Variants in COL5A1 observed in about 807,000 individuals in gnomAD.
The protein encoded by COL5A1 is collagen alpha-1(V) chain.
A neutral mutation model predicts 263.7 loss-of-function variants in COL5A1; 16 were observed. The observed-to-expected ratio is 0.06, with a 90% CI of 0.04 to 0.09. The LOEUF is 0.09. Among genes scored for constraint, COL5A1 ranks in the 10% least tolerant of loss-of-function variants. The probability of loss-of-function intolerance (pLI) is 1.00; values close to 1 mark genes in which losing one functional copy is unlikely to be tolerated. For synonymous variants in COL5A1, 1,012 were observed against 1,004.5 expected (o/e 1.01, Z -0.14); for missense variants, 2,036 against 2,540.5 (o/e 0.80, Z 4.27).
At chr9:134,749,849 T>C (rs1305398914) in intron 11 of COL5A1, among the ~76,000 whole-genome samples, 1 of 152,240 alleles carries the variant, frequency 6.6e-6, no homozygotes, top group Non-Finnish European at 1.5e-5. Context: ...AAATAAATCA[T>C]CTTACTGGTT....
In COL5A1 at chr9:134,759,712, A is replaced by AC. The variant is rs200903656; in HGVS notation, c.1935+1423dup. On this transcript the variant is annotated intron_variant, in intron 18 of 65. Transcript: ENST00000371817. ...CATACACATATGCACACATGCACACACCCCCCCACCCCCACACTCATACAC... is the reference window on the plus strand; with the variant it reads ...CATACACATATGCACACATGCACACACCCCCCCCACCCCCACACTCATACAC... Among the ~76,000 whole-genome samples, 101 of 55,338 alleles carry AC rather than the reference A, an allele frequency of 1.8e-3. 3 individuals are homozygous for AC. The highest frequency in any genetic ancestry group is 6.6e-3 in the African/African-American group (70 of 10,570). The allele number at this position is 55,338 out of a possible 152,430, so 36.3% of individuals were successfully genotyped here.
intron 4 of COL5A1, among the ~76,000 whole-genome samples, chr9:134,711,936 T>C (rs539689302): frequency 2.2e-4 from 34 of 151,942 alleles, no homozygotes; most frequent in African/African-American, 7.7e-4. Flanking sequence ...TGGGCCTGTC[T>C]GTGAGTGCCT....
chr9:134,804,843 G>A (rs376457558), intron 39 of COL5A1, 132 bp from the exon 40 acceptor site: 53 of 776,122 alleles, frequency 6.8e-5, no homozygotes, highest in African/African-American at 4.1e-4. Flanking sequence ...CCTTGGCCTC[G>A]CTCTGGGACT....
rs1383776640 is a variant in COL5A1, at chr9:134,742,245, C to T, written c.1494+3437C>T. Among the ~76,000 whole-genome samples the T allele has an allele frequency of 5.3e-5, 8 of 152,126 alleles. No individual in the cohort carries two copies. The highest frequency in any genetic ancestry group is 1.4e-4 in the African/African-American group (6 of 41,432). On this transcript the variant is annotated intron_variant, in intron 11 of 65. Coordinates refer to ENST00000371817, the MANE Select transcript of COL5A1 (RefSeq NM_000093.5). This position sits in a 1 kb window ranked among gnomAD's most constrained non-coding sequence, Gnocchi z 4.6. The stretch of plus-strand genomic sequence containing the variant: ...TCTTGCTCTTGTGCCCACGGCTGCC[C>T]GCAGGGAGCAGAGTGCAAGGAGAGG...
At chr9:134,732,214 T>C (rs1834912105) in intron 9 of COL5A1, 87 bp downstream of exon 9, 2 of 1,430,786 alleles carry the variant, frequency 1.4e-6, no homozygotes, top group Non-Finnish European at 2.0e-6. Flanking sequence ...AACAGGTCCG[T>C]GGGCCCCTGC....
intron 9 of COL5A1, among the ~76,000 whole-genome samples, chr9:134,734,624 A>C (rs1367609259): frequency 6.6e-6 from 1 of 152,218 alleles, no homozygotes; most frequent in African/African-American, 2.4e-5. Flanking sequence ...TTTCCCACTC[A>C]GTCCCGCTCC....
chr9:134,798,257 T>C lies in COL5A1; in HGVS notation c.2899-151T>C, dbSNP rs1418264010. The C allele has an allele frequency of 1.3e-5, 10 of 750,872 alleles. No homozygotes were observed. The Admixed American group carries it at 2.0e-4, about 15-fold the overall frequency. The allele number at this position is 750,872 out of a possible 1,614,324, so 46.5% of individuals were successfully genotyped here. On this transcript the variant is annotated intron_variant, in intron 36 of 65. Coordinates refer to ENST00000371817, the MANE Select transcript of COL5A1 (RefSeq NM_000093.5). ...AGGACAGCTTTAGATTTGTTGTCAC[T>C]GTCCCCGTGCCTGCCAGGTGATTGC...
chr9:134,824,896 C>T, intron 62 of COL5A1, 41 bp downstream of exon 62: 1 of 1,579,196 alleles, frequency 6.3e-7, no homozygotes, highest in Non-Finnish European at 8.6e-7. Flanking sequence ...CCAAAGCGGG[C>T]ATGGACCTGC....
At chr9:134,812,808 G>GCGCA in intron 48 of COL5A1, 96 bp downstream of exon 48, 1 of 864,526 alleles carries the variant, frequency 1.2e-6, no homozygotes, top group Non-Finnish European at 1.9e-6. Context: ...GTGTATGTGC[G>GCGCA]CATGCACACG....
chr9:134,701,442 CA>C, intron 4 of COL5A1, 109 bp downstream of exon 4: 1 of 1,054,470 alleles, frequency 9.5e-7, no homozygotes, highest in Non-Finnish European at 1.4e-6. Context: ...GCTGGCGGTC[CA>C]CTGTGGTCAC....
At chr9:134,771,928 G>T (rs986605106) in intron 25 of COL5A1, among the ~76,000 whole-genome samples, 1 of 152,170 alleles carries the variant, frequency 6.6e-6, no homozygotes, top group African/African-American at 2.4e-5. Context: ...TTGGCTCACC[G>T]ATCCTGAGCT....
intron 27 of COL5A1, among the ~76,000 whole-genome samples, chr9:134,777,639 C>T (rs1837101129): frequency 6.6e-6 from 1 of 152,140 alleles, no homozygotes. Flanking sequence ...AACGGTAGAA[C>T]TGTAGGACCG....
rs959039361 is a variant in COL5A1, at chr9:134,740,376, C to T, written c.1494+1568C>T. ...CCCAGATTCGCGTGAGATGGGGCAA[C>T]GGCCAAGCTCCTCCTCCGCAGAGCT... On this transcript the variant is annotated intron_variant, in intron 11 of 65. Coordinates refer to ENST00000371817, the MANE Select transcript of COL5A1 (RefSeq NM_000093.5). Among the ~76,000 whole-genome samples the T allele has an allele frequency of 3.3e-5, 5 of 152,226 alleles. No homozygotes were observed. The East Asian group carries it at 5.8e-4, about 18-fold the overall frequency.
At chr9:134,701,092 T>C (rs1468775254) in intron 3 of COL5A1, 79 bp from the exon 4 acceptor site, 1 of 1,462,374 alleles carries the variant, frequency 6.8e-7, no homozygotes, top group Non-Finnish European at 9.5e-7. Flanking sequence ...TCTTCCTGTG[T>C]CTCGAGGAAT....
At position 134,825,826 on chromosome 9, in the gene COL5A1, C is replaced by T; in HGVS notation, c.4989C>T (p.Ser1663=). The T allele has an allele frequency of 3.7e-6, 6 of 1,613,116 alleles. No individual in the cohort carries two copies. Among genetic ancestry groups the T allele is most frequent in the Non-Finnish European group, 5.1e-6 (6 of 1,179,350 alleles). ...GGGTCGATCCTAACCAAGGATGCTCCAGGGATTCCTTCAAGGTTTACTGCA... is the reference window on the plus strand; with the variant it reads ...GGGTCGATCCTAACCAAGGATGCTCTAGGGATTCCTTCAAGGTTTACTGCA... ...EYWVDPNQGC[S]RDSFKVYCNF... is the part of the protein sequence containing the mutation. The change falls in exon 63 of 66, where the codon TCC becomes TCT. Residue 1663 remains serine, a synonymous_variant. Transcript: ENST00000371817.
chr9:134,715,777 A>C (rs953663726), intron 4 of COL5A1, among the ~76,000 whole-genome samples: 2 of 152,244 alleles, frequency 1.3e-5, no homozygotes, highest in African/African-American at 4.8e-5. Flanking sequence ...AAGGTTACAG[A>C]TTAACAGCAT....
At chr9:134,784,379 C>G (rs889013238) in intron 29 of COL5A1, among the ~76,000 whole-genome samples, 4 of 152,220 alleles carry the variant, frequency 2.6e-5, no homozygotes, top group Admixed American at 6.5e-5. Context: ...GAGACTCTGC[C>G]GTAGCGCTAC....
At chr9:134,715,749 G>A (rs1377595583) in intron 4 of COL5A1, among the ~76,000 whole-genome samples, 1 of 152,202 alleles carries the variant, frequency 6.6e-6, no homozygotes, top group South Asian at 2.1e-4. Flanking sequence ...ATGTCTCTGC[G>A]ACCACAGGGT....
intron 20 of COL5A1, among the ~76,000 whole-genome samples, chr9:134,764,936 G>A (rs866363060): frequency 4.6e-5 from 7 of 152,172 alleles, no homozygotes; most frequent in Admixed American, 2.0e-4. Flanking sequence ...AATCTGAAAA[G>A]GTTCTGTCAA....
Sources: allele counts gnomAD v4.1 joint callset (sites outside exome capture counted in the v4.1 genomes callset), GRCh38; gene constraint gnomAD v4.1.1; non-coding constraint Gnocchi (gnomAD v3.1); transcripts MANE v1.5; gene names NCBI Gene and HGNC (gene_info 2026-07-23, HGNC 2026-07-21).